The following DAB1 variants were observed in gnomAD, a reference collection of about 807,000 sequenced individuals.
The protein encoded by DAB1 is DAB adaptor protein 1, also known as disabled homolog 1.
Under a neutral mutation model 64.6 loss-of-function variants are expected in DAB1, and 15 were observed. That is an observed-to-expected ratio of 0.23 (90% confidence interval 0.16 to 0.36). DAB1 has a LOEUF of 0.36. Ranked by LOEUF, DAB1 falls within the 10% of genes least tolerant of loss-of-function variation. The pLI is 1.00. For missense variants in DAB1, 596 were observed against 706.7 expected, an observed-to-expected ratio of 0.84 and a Z score of 1.78; for synonymous variants, 235 against 251.9, an observed-to-expected ratio of 0.93 and a Z score of 0.64.
chr1:58,438,688 A>T lies in DAB1; in HGVS notation n.257+67372T>A, dbSNP rs570756082. ...GAGCCAGCAGTGTCTGGACATTCAC[A>T]TGCTCCTCAGGTGTCCAGTGCCAGT... On this transcript the variant is annotated intron_variant and non_coding_transcript_variant, in intron 3 of 20. Transcript: ENST00000485760. 2.6e-5 allele frequency among the ~76,000 whole-genome samples: 4 copies of T among 152,320 alleles called. No individual in the cohort carries two copies. The South Asian group carries it at 8.3e-4, about 32-fold the overall frequency.
intron 5 of DAB1, among the ~76,000 whole-genome samples, chr1:57,915,356 G>C (rs1392858231): frequency 6.6e-6 from 1 of 151,990 alleles, no homozygotes; most frequent in African/African-American, 2.4e-5. Flanking sequence ...AGATCACCTA[G>C]GCCAGTTGAA....
At chr1:57,380,937 A>G (rs1383876276) in intron 1 of DAB1, among the ~76,000 whole-genome samples, 1 of 152,196 alleles carries the variant, frequency 6.6e-6, no homozygotes, top group African/African-American at 2.4e-5. Context: ...AGAGTTGATG[A>G]GTATGAGTCT....
At chr1:57,375,710 C>T (rs1367161525) in intron 1 of DAB1, among the ~76,000 whole-genome samples, 1 of 152,172 alleles carries the variant, frequency 6.6e-6, no homozygotes, top group Non-Finnish European at 1.5e-5. Context: ...CCTGCCCTAA[C>T]TCTGGGCACA....
intron 9 of DAB1, 103 bp from the exon 10 acceptor site, chr1:57,026,146 A>G (rs1028678446): frequency 1.5e-5 from 13 of 849,364 alleles, no homozygotes; most frequent in South Asian, 1.1e-4. Context: ...TCTGTTTTTC[A>G]TCATCTCTAG....
intron 3 of DAB1, among the ~76,000 whole-genome samples, chr1:58,392,343 T>G (rs1159570198): frequency 6.6e-6 from 1 of 152,202 alleles, no homozygotes; most frequent in Admixed American, 6.5e-5. Context: ...AAATTTCTCT[T>G]TTGGTCTATC....
At chr1:57,494,380 G>A (rs920544354) in intron 7 of DAB1, among the ~76,000 whole-genome samples, 5 of 152,194 alleles carry the variant, frequency 3.3e-5, no homozygotes, top group African/African-American at 7.2e-5. Context: ...GCACAACTCC[G>A]GTAATACTTC....
rs191401329 is a variant in DAB1 at position 57,554,862 on chromosome 1, A to G, written n.625+94730T>C. Among the ~76,000 whole-genome samples the G allele has an allele frequency of 3.2e-3, 485 of 152,204 alleles. 2 individuals carry two copies. The highest frequency in any genetic ancestry group is 0.011 in the African/African-American group (460 of 41,540). On this transcript the variant is annotated intron_variant and non_coding_transcript_variant, in intron 7 of 20. Coordinates refer to the DAB1 transcript ENST00000485760. ...GTCTTTCAAAAATGGAAAATATTAC[A>G]ATGTAGAAAGTCACTGATGAGGTTA...
intron 1 of DAB1, chr1:57,860,519 CCCG>C (rs1653962047): frequency 6.6e-6 from 1 of 152,220 alleles, no homozygotes; most frequent in Non-Finnish European, 1.5e-5. Context: ...CCTGATGGCT[CCCG>C]CTGGTTGCTA....
intron 1 of DAB1, among the ~76,000 whole-genome samples, chr1:57,409,477 A>G (rs1683926722): frequency 6.6e-6 from 1 of 152,214 alleles, no homozygotes; most frequent in Admixed American, 6.5e-5. Context: ...CACCCCACAC[A>G]TACTGACTGA....
At chr1:57,418,951 T>C (rs1370598706) in intron 1 of DAB1, among the ~76,000 whole-genome samples, 2 of 152,108 alleles carry the variant, frequency 1.3e-5, no homozygotes, top group Non-Finnish European at 2.9e-5. Context: ...CAGAGGGAAA[T>C]ATCCAGGTGA....
rs182255721 is a variant in DAB1, at chr1:57,661,894, G to A, written n.552-12229C>T. Among the ~76,000 whole-genome samples the A allele has an allele frequency of 1.9e-3, 296 of 152,212 alleles. 1 individual carries two copies. Among genetic ancestry groups the A allele is most frequent in the African/African-American group, 6.7e-3 (280 of 41,538 alleles). On this transcript the variant is annotated intron_variant and non_coding_transcript_variant, in intron 6 of 20. Coordinates refer to the DAB1 transcript ENST00000485760. ...GTGGATGTGGAGGGCTGATGCAGTG[G>A]GCTTCTGATGGAGGGTAATAATGAA...
At chr1:57,739,692 A>G (rs192496632) in intron 6 of DAB1, among the ~76,000 whole-genome samples, 1,949 of 150,786 alleles carry the variant, frequency 0.013, 37 homozygotes, top group African/African-American at 0.044. Context: ...ATCTCAAACA[A>G]TCTGCCTGCC....
chr1:57,612,955 C>T (rs771757025), intron 7 of DAB1, among the ~76,000 whole-genome samples: 82 of 152,238 alleles, frequency 5.4e-4, no homozygotes, highest in Non-Finnish European at 1.0e-3. Context: ...CTAAGAGTGG[C>T]TTGAGGGCAA....
chr1:57,894,974 C>T (rs558922355), intron 5 of DAB1, among the ~76,000 whole-genome samples: 1 of 152,142 alleles, frequency 6.6e-6, no homozygotes, highest in South Asian at 2.1e-4. Flanking sequence ...TGTAGACATA[C>T]AGCTCCCCAC....
intron 1 of DAB1, among the ~76,000 whole-genome samples, chr1:57,404,601 T>A (rs1286285567): frequency 6.6e-6 from 1 of 152,166 alleles, no homozygotes; most frequent in African/African-American, 2.4e-5. Flanking sequence ...ATGCTTTTTT[T>A]GTGTTTTTCA....
rs1278719425 is a variant in DAB1 at position 57,380,000 on chromosome 1, A to G, written c.-137+43930T>C. Among the ~76,000 whole-genome samples, 10 of 152,336 alleles carry G rather than the reference A, an allele frequency of 6.6e-5. No individual in the cohort carries two copies. The East Asian group carries it at 1.9e-3, about 29-fold the overall frequency. ...CTTAGAAAAGTGTGTGGCACATAGT[A>G]AACACTCAATTAATAATAGTTGTTG... On this transcript the variant is annotated intron_variant, in intron 1 of 14. Coordinates refer to ENST00000371236, the MANE Select transcript of DAB1 (RefSeq NM_001365792.1).
chr1:58,014,547 C>T (rs1032898105), intron 5 of DAB1, among the ~76,000 whole-genome samples: 1 of 152,324 alleles, frequency 6.6e-6, no homozygotes, highest in East Asian at 1.9e-4. Flanking sequence ...CTCGGTCTTC[C>T]ACCATGCTGT....
At chr1:58,338,976 A>G (rs1042799736) in intron 4 of DAB1, among the ~76,000 whole-genome samples, 1 of 152,204 alleles carries the variant, frequency 6.6e-6, no homozygotes, top group African/African-American at 2.4e-5. Context: ...AGATACGGAA[A>G]GTGAATTGAT....
chr1:57,748,537 C>T (rs1460980562), intron 6 of DAB1, among the ~76,000 whole-genome samples: 1 of 128,136 alleles, frequency 7.8e-6, no homozygotes, highest in Non-Finnish European at 1.7e-5. Context: ...AATTGGATAT[C>T]ACTAGTGTTG....
Sources: gnomAD v4.1 joint callset for allele counts (sites outside exome capture counted in the v4.1 genomes callset) on GRCh38, gnomAD v4.1.1 for gene constraint, MANE v1.5 for transcripts, NCBI Gene and HGNC (gene_info 2026-07-23, HGNC 2026-07-21) for gene names.